COBLL1: variants seen among roughly 807,000 people sequenced by gnomAD.
The protein encoded by COBLL1 is cordon-bleu protein-like 1.
A neutral mutation model predicts 94.8 loss-of-function variants in COBLL1; 50 were observed. The ratio of observed to expected loss-of-function variants is 0.53; its 90% CI spans 0.42 to 0.67. The LOEUF (loss-of-function observed/expected upper bound fraction) is 0.67, where lower values mean the gene tolerates loss of function less well. COBLL1 is among the 30% of genes least tolerant of loss of function. COBLL1 has a pLI of 0.00. For missense variants in COBLL1, 1,362 were observed against 1,348.7 expected, an observed-to-expected ratio of 1.01 and a Z score of -0.15; for synonymous variants, 448 against 473.8, an observed-to-expected ratio of 0.95 and a Z score of 0.71.
chr2:164,839,619 T>G (rs972370656), intron 2 of COBLL1, among the ~76,000 whole-genome samples: 1 of 152,204 alleles, frequency 6.6e-6, no homozygotes, highest in Non-Finnish European at 1.5e-5. Flanking sequence ...TTCTTTTTTG[T>G]TTTTTAAAGT....
intron 7 of COBLL1, chr2:164,721,777 C>T: frequency 5.6e-6 from 1 of 179,996 alleles, no homozygotes; most frequent in South Asian, 1.8e-4. Context: ...CCTAGTTAGG[C>T]CTTAGTAAAC....
chr2:164,789,975 C>T (rs1249487818), intron 2 of COBLL1, among the ~76,000 whole-genome samples: 2 of 152,144 alleles, frequency 1.3e-5, no homozygotes, highest in Non-Finnish European at 2.9e-5. Flanking sequence ...TTTGTTTTTT[C>T]CTCCCTATAT....
At chr2:164,817,108 G>T (rs544130354) in intron 2 of COBLL1, among the ~76,000 whole-genome samples, 5 of 152,258 alleles carry the variant, frequency 3.3e-5, no homozygotes, top group Admixed American at 2.6e-4. Flanking sequence ...GTAGAATCTG[G>T]AACATGAATG....
At chr2:164,779,248 C>T (rs1688622643) in intron 2 of COBLL1, among the ~76,000 whole-genome samples, 1 of 152,002 alleles carries the variant, frequency 6.6e-6, no homozygotes, top group African/African-American at 2.4e-5. Flanking sequence ...GTAAATATTA[C>T]CATAGATCAC....
chr2:164,790,248 GT>G (rs1683119819), intron 2 of COBLL1, among the ~76,000 whole-genome samples: 1 of 152,028 alleles, frequency 6.6e-6, no homozygotes, highest in Admixed American at 6.6e-5. Flanking sequence ...CCCAGTGTAC[GT>G]GAGGGTGGGT....
intron 2 of COBLL1, among the ~76,000 whole-genome samples, chr2:164,756,381 G>T: frequency 6.6e-6 from 1 of 151,892 alleles, no homozygotes; most frequent in East Asian, 1.9e-4. Flanking sequence ...TCATCTTCAG[G>T]TAATTTCCAG....
chr2:164,833,551 C>T (rs918507438), intron 2 of COBLL1, among the ~76,000 whole-genome samples: 1 of 151,552 alleles, frequency 6.6e-6, no homozygotes, highest in Non-Finnish European at 1.5e-5. Flanking sequence ...CCCGGGTTCA[C>T]GCCATTCTCC....
At chr2:164,717,120 C>T (rs1685209038) in intron 7 of COBLL1, among the ~76,000 whole-genome samples, 2 of 152,056 alleles carry the variant, frequency 1.3e-5, no homozygotes, top group African/African-American at 4.8e-5. Flanking sequence ...GTAACTATTT[C>T]CAATATTTTC....
intron 3 of COBLL1, chr2:164,743,334 T>C: frequency 5.8e-6 from 1 of 172,290 alleles, no homozygotes; most frequent in East Asian, 1.7e-4. Context: ...AGGATTTTCC[T>C]GTGGGTCACT....
At chr2:164,725,163 C>T (rs557826486) in intron 5 of COBLL1, among the ~76,000 whole-genome samples, 24 of 144,086 alleles carry the variant, frequency 1.7e-4, no homozygotes, top group East Asian at 6.1e-4. Flanking sequence ...TACTCCATTA[C>T]GCTCTCAGGA....
In COBLL1 at chr2:164,769,620, T is replaced by C. The variant is rs75586139; in HGVS notation, c.42-25745A>G. ...ACGCCTGTAACCCCAGCACTTTGGG[T>C]GGCCAAGGGAGACAGATCACTTGAG... On this transcript the variant is annotated intron_variant, in intron 2 of 13. Transcript: ENST00000652658. Among the ~76,000 whole-genome samples the C allele has an allele frequency of 5.2e-3, 792 of 152,186 alleles. 12 individuals carry two copies. The highest frequency in any genetic ancestry group is 0.018 in the African/African-American group (731 of 41,520).
intron 2 of COBLL1, among the ~76,000 whole-genome samples, chr2:164,750,806 T>C (rs910983749): frequency 2.6e-5 from 4 of 152,196 alleles, no homozygotes; most frequent in African/African-American, 9.7e-5. Context: ...GCAGCCATAG[T>C]ACTTGGCTGC....
chr2:164,760,392 T>A (rs1016389616), intron 2 of COBLL1, among the ~76,000 whole-genome samples: 3 of 152,128 alleles, frequency 2.0e-5, no homozygotes, highest in Non-Finnish European at 4.4e-5. Flanking sequence ...TTTGGAGGCA[T>A]GATGAGACTA....
At chr2:164,700,905 T>A (rs1684218622) in intron 9 of COBLL1, 149 bp from the exon 10 acceptor site, 1 of 610,374 alleles carries the variant, frequency 1.6e-6, no homozygotes, top group Non-Finnish European at 2.9e-6. Flanking sequence ...TTTCTCCTGG[T>A]GAGCAGTCAC....
chr2:164,800,806 C>T (rs950124835), intron 2 of COBLL1, among the ~76,000 whole-genome samples: 6 of 152,114 alleles, frequency 3.9e-5, no homozygotes, highest in Admixed American at 6.6e-5. Flanking sequence ...CAAAAGGTTG[C>T]ATACTGTATG....
rs10174814 is a variant in COBLL1, at chr2:164,666,644, A to G, written n.127-743T>C. Among the ~76,000 whole-genome samples, 1,499 of 152,270 alleles carry G rather than the reference A, an allele frequency of 9.8e-3. 21 individuals carry two copies. Among genetic ancestry groups the G allele is most frequent in the African/African-American group, 0.034 (1,392 of 41,552 alleles). On this transcript the variant is annotated intron_variant and non_coding_transcript_variant, in intron 1 of 2. Transcript: ENST00000495084. ...CAAAATTTGAGTCAGTCTTCTCAAA[A>G]CCTGCCGATGCTTTTTCAACTAAGT...
At chr2:164,766,908 T>C (rs987980963) in intron 2 of COBLL1, among the ~76,000 whole-genome samples, 6 of 152,168 alleles carry the variant, frequency 3.9e-5, no homozygotes, top group Non-Finnish European at 8.8e-5. Flanking sequence ...ATCCAAGAAA[T>C]ATTTTGATTA....
At chr2:164,793,625 T>C (rs1454893026) in intron 2 of COBLL1, among the ~76,000 whole-genome samples, 1 of 152,254 alleles carries the variant, frequency 6.6e-6, no homozygotes, top group Non-Finnish European at 1.5e-5. Context: ...TGTTCTACTT[T>C]CAGAGACTTT....
intron 7 of COBLL1, chr2:164,705,438 A>G (rs1482381934): frequency 5.6e-6 from 1 of 178,824 alleles, no homozygotes; most frequent in Non-Finnish European, 1.2e-5. Context: ...GAAGGGATGA[A>G]AAAGGGAACA....
Sources: gnomAD v4.1 joint callset for allele counts (sites outside exome capture counted in the v4.1 genomes callset) on GRCh38, gnomAD v4.1.1 for gene constraint, MANE v1.5 for transcripts, NCBI Gene and HGNC (gene_info 2026-07-23, HGNC 2026-07-21) for gene names.